The following WWC1 variants were observed in gnomAD, a reference collection of about 807,000 sequenced individuals.
WWC1 encodes WW and C2 domain containing 1.
WWC1 carries 55 observed loss-of-function variants against 138.4 expected under a neutral mutation model. The observed-to-expected ratio is 0.40, with a 90% CI of 0.32 to 0.50. The LOEUF (loss-of-function observed/expected upper bound fraction) is 0.50, where lower values mean the gene tolerates loss of function less well. WWC1 is among the 20% of genes least tolerant of loss of function. The pLI is 0.72. For synonymous variants in WWC1, 524 were observed against 564.9 expected (o/e 0.93, Z 1.03); for missense variants, 1,226 against 1,420.4 (o/e 0.86, Z 2.20).
chr5:168,342,558 C>T (rs1002236812), intron 1 of WWC1, among the ~76,000 whole-genome samples: 1 of 152,120 alleles, frequency 6.6e-6, no homozygotes, highest in Admixed American at 6.6e-5. Flanking sequence ...CGTGGAGGCC[C>T]TGAAGGCTTT....
chr5:168,403,088 T>TTTTCTTTC (rs374311223), intron 5 of WWC1, among the ~76,000 whole-genome samples: 2 of 124,190 alleles, frequency 1.6e-5, no homozygotes, highest in African/African-American at 6.9e-5. Flanking sequence ...CTTTTCTTTC[T>TTTTCTTTC]TTTCTTTCTT....
At chr5:168,334,309 T>C (rs1036825431) in intron 1 of WWC1, among the ~76,000 whole-genome samples, 18 of 152,158 alleles carry the variant, frequency 1.2e-4, no homozygotes, top group African/African-American at 4.1e-4. Context: ...CTGACCCTGA[T>C]TTTGCCTCTC....
chr5:168,465,446 C>T (rs919488392), intron 21 of WWC1, among the ~76,000 whole-genome samples: 4 of 146,522 alleles, frequency 2.7e-5, no homozygotes, highest in African/African-American at 7.9e-5. Flanking sequence ...TCGGCTGGCA[C>T]CTCTGCCCTG....
At chr5:168,427,658 C>T (rs1439485524) in intron 11 of WWC1, among the ~76,000 whole-genome samples, 8 of 147,870 alleles carry the variant, frequency 5.4e-5, no homozygotes, top group African/African-American at 2.0e-4. Flanking sequence ...TCAGGCTCCC[C>T]GAATCCCAAA....
At chr5:168,367,608 T>TG (rs1157140986) in intron 1 of WWC1, among the ~76,000 whole-genome samples, 1 of 152,150 alleles carries the variant, frequency 6.6e-6, no homozygotes, top group African/African-American at 2.4e-5. Context: ...CATGAGCCAC[T>TG]GCGCCTGGCC....
intron 1 of WWC1, among the ~76,000 whole-genome samples, chr5:168,361,020 A>G (rs1457985763): frequency 6.6e-6 from 1 of 152,214 alleles, no homozygotes; most frequent in African/African-American, 2.4e-5. Context: ...TCCTAAATAC[A>G]GAAAGGAGTA....
chr5:168,337,491 G>A (rs1773588759), intron 1 of WWC1, among the ~76,000 whole-genome samples: 1 of 151,968 alleles, frequency 6.6e-6, no homozygotes, highest in Non-Finnish European at 1.5e-5. Context: ...ATCCTGCAGT[G>A]CACAGGACAG....
intron 17 of WWC1, among the ~76,000 whole-genome samples, chr5:168,447,387 T>C (rs1262794469): frequency 1.3e-5 from 2 of 152,220 alleles, no homozygotes; most frequent in African/African-American, 4.8e-5. Context: ...AAGAATTCTG[T>C]TGCATCCCCT....
chr5:168,315,438 G>A (rs1034972034), intron 1 of WWC1, among the ~76,000 whole-genome samples: 1 of 151,940 alleles, frequency 6.6e-6, no homozygotes, highest in East Asian at 2.0e-4. Context: ...AACACCGTGT[G>A]CCCGCTGCGC....
intron 1 of WWC1, among the ~76,000 whole-genome samples, chr5:168,354,312 A>G (rs1055403003): frequency 2.0e-5 from 3 of 151,998 alleles, no homozygotes; most frequent in African/African-American, 7.3e-5. Context: ...CGGCCTCCCA[A>G]AGTGCTGGGA....
At chr5:168,418,690 T>C (rs539778505) in intron 9 of WWC1, among the ~76,000 whole-genome samples, 1 of 152,024 alleles carries the variant, frequency 6.6e-6, no homozygotes, top group Non-Finnish European at 1.5e-5. Context: ...GACCCACATT[T>C]ACTCCCAGCA....
At chr5:168,439,043 G>T (rs936757519) in intron 15 of WWC1, among the ~76,000 whole-genome samples, 4 of 151,860 alleles carry the variant, frequency 2.6e-5, no homozygotes, top group African/African-American at 9.7e-5. Context: ...ATTATTTCTT[G>T]TGCACATATG....
intron 2 of WWC1, among the ~76,000 whole-genome samples, chr5:168,372,121 C>G (rs1020822807): frequency 1.3e-5 from 2 of 148,804 alleles, no homozygotes; most frequent in Non-Finnish European, 3.0e-5. Flanking sequence ...GTCAGCCCAC[C>G]CTCACTTCAT....
chr5:168,423,244 T>C (rs1424272739), intron 10 of WWC1, among the ~76,000 whole-genome samples: 1 of 150,192 alleles, frequency 6.7e-6, no homozygotes, highest in African/African-American at 2.5e-5. Context: ...TGAAAACATA[T>C]CATACAAATG....
intron 1 of WWC1, among the ~76,000 whole-genome samples, chr5:168,313,189 T>A (rs1771269909): frequency 6.6e-6 from 1 of 152,154 alleles, no homozygotes; most frequent in African/African-American, 2.4e-5. Flanking sequence ...GGTTTCTGCC[T>A]CAAACCCCTG....
intron 19 of WWC1, among the ~76,000 whole-genome samples, chr5:168,458,925 C>G (rs1756564965): frequency 6.6e-6 from 1 of 152,158 alleles, no homozygotes; most frequent in East Asian, 1.9e-4. Flanking sequence ...CGGTAGGACA[C>G]ATATCCTTCA....
At chr5:168,345,086 C>T (rs992255527) in intron 1 of WWC1, among the ~76,000 whole-genome samples, 8 of 152,116 alleles carry the variant, frequency 5.3e-5, no homozygotes, top group Admixed American at 3.3e-4. Flanking sequence ...TGTTTAACCC[C>T]TTGGTATCAC....
At chr5:168,334,350 C>G (rs755296474) in intron 1 of WWC1, among the ~76,000 whole-genome samples, 20 of 152,198 alleles carry the variant, frequency 1.3e-4, no homozygotes, top group African/African-American at 4.8e-4. Context: ...GCCCCACCCC[C>G]ACTGCACTCT....
chr5:168,415,197 G>A (rs1780512183), intron 9 of WWC1: 1 of 153,270 alleles, frequency 6.5e-6, no homozygotes, highest in African/African-American at 2.4e-5. Flanking sequence ...TGTTAGACCA[G>A]AGTGCACAGA....
Sources: allele counts gnomAD v4.1 joint callset (sites outside exome capture counted in the v4.1 genomes callset), GRCh38; gene constraint gnomAD v4.1.1; transcripts MANE v1.5; gene names NCBI Gene and HGNC (gene_info 2026-07-23, HGNC 2026-07-21).